MRPS6: variants seen among roughly 807,000 people sequenced by gnomAD.
The protein encoded by MRPS6 is mitochondrial ribosomal protein S6.
A neutral mutation model predicts 13.1 loss-of-function variants in MRPS6; 6 were observed. The ratio of observed to expected loss-of-function variants is 0.46; its 90% CI spans 0.25 to 0.91. MRPS6 has a LOEUF of 0.91. Ranked by LOEUF, MRPS6 falls within the 40% of genes least tolerant of loss-of-function variation. MRPS6 has a pLI of 0.18. For synonymous variants in MRPS6, 61 were observed against 56.5 expected, an observed-to-expected ratio of 1.08 and a Z score of -0.36; for missense variants, 164 against 155.6, an observed-to-expected ratio of 1.05 and a Z score of -0.29.
chr21:34,128,167 T>C (rs1980375305), intron 2 of MRPS6, among the ~76,000 whole-genome samples: 1 of 152,194 alleles, frequency 6.6e-6, no homozygotes, highest in African/African-American at 2.4e-5. Context: ...TGGTTCCTGG[T>C]CTCAAGGAGT....
At chr21:34,106,470 CAT>C (rs1485232239) in intron 1 of MRPS6, among the ~76,000 whole-genome samples, 1 of 152,136 alleles carries the variant, frequency 6.6e-6, no homozygotes, top group African/African-American at 2.4e-5. Context: ...ATGTGTAAAA[CAT>C]AGAGTAAATT....
chr21:34,073,772 C>G lies in MRPS6; in HGVS notation c.45+27C>G, dbSNP rs201282811. 6.5e-4 allele frequency: 951 copies of G among 1,472,184 alleles called. 1 individual carries two copies. Among genetic ancestry groups the G allele is most frequent in the Middle Eastern group, 3.1e-3 (14 of 4,500 alleles). 91.2% of individuals were successfully genotyped at this position (1,472,184 alleles called of 1,614,324 possible). On this transcript the variant is annotated intron_variant, in intron 1 of 2. Transcript: ENST00000399312. ...TAAGTGACCTTCCCTCAGAGCCGGTCTTCCCGCGCGGGCGCCCCCGCTGCC... is the reference window on the plus strand; with the variant it reads ...TAAGTGACCTTCCCTCAGAGCCGGTGTTCCCGCGCGGGCGCCCCCGCTGCC...
At chr21:34,129,720 C>T (rs555133048) in intron 2 of MRPS6, among the ~76,000 whole-genome samples, 1 of 152,120 alleles carries the variant, frequency 6.6e-6, no homozygotes, top group Non-Finnish European at 1.5e-5. Context: ...GTAGTTTTCC[C>T]GTTAGCTAAC....
chr21:34,118,203 A>G (rs1262263639), intron 1 of MRPS6, among the ~76,000 whole-genome samples: 1 of 152,116 alleles, frequency 6.6e-6, no homozygotes, highest in East Asian at 1.9e-4. Context: ...GCATAATTGA[A>G]AATCTGTGTG....
At chr21:34,081,606 G>A (rs1569412788) in intron 1 of MRPS6, among the ~76,000 whole-genome samples, 2 of 152,144 alleles carry the variant, frequency 1.3e-5, no homozygotes, top group Admixed American at 6.5e-5. Flanking sequence ...GTTTTGGATT[G>A]TAGCACCTAC....
intron 1 of MRPS6, among the ~76,000 whole-genome samples, chr21:34,080,547 T>G (rs932763907): frequency 6.6e-6 from 1 of 152,348 alleles, no homozygotes; most frequent in African/African-American, 2.4e-5. Flanking sequence ...AAGTTCATCT[T>G]AACTCATTTG....
intron 2 of MRPS6, chr21:34,135,344 C>T (rs576919395): frequency 2.1e-4 from 54 of 251,566 alleles, no homozygotes; most frequent in African/African-American, 1.1e-3. Context: ...ATATGAGAGC[C>T]GGTTTTTTTT....
chr21:34,104,007 T>C (rs1327717847), intron 1 of MRPS6: 2 of 1,000,012 alleles, frequency 2.0e-6, no homozygotes, highest in African/African-American at 1.7e-5. Flanking sequence ...TTTTAGGAAA[T>C]ATTACCTCTT....
At chr21:34,084,373 T>G (rs1282515406) in intron 1 of MRPS6, among the ~76,000 whole-genome samples, 1 of 151,960 alleles carries the variant, frequency 6.6e-6, no homozygotes, top group African/African-American at 2.4e-5. Flanking sequence ...AACATAAAAT[T>G]GGAACCAAGT....
intron 1 of MRPS6, among the ~76,000 whole-genome samples, chr21:34,116,241 T>A (rs1210033228): frequency 6.6e-6 from 1 of 150,462 alleles, no homozygotes; most frequent in Non-Finnish European, 1.5e-5. Flanking sequence ...AGAGATGGGA[T>A]TTAACCATGT....
chr21:34,075,544 CAAA>C (rs753570977), intron 1 of MRPS6, among the ~76,000 whole-genome samples: 3 of 148,434 alleles, frequency 2.0e-5, no homozygotes, highest in Non-Finnish European at 4.5e-5. Context: ...GGAAGGGGGG[CAAA>C]AAAAAGAAAA....
At chr21:34,089,315 G>A (rs1323245058) in intron 1 of MRPS6, among the ~76,000 whole-genome samples, 1 of 152,080 alleles carries the variant, frequency 6.6e-6, no homozygotes, top group East Asian at 1.9e-4. Context: ...ACCACGCCCA[G>A]CCTGTTATTT....
rs994783984 is a variant in MRPS6 at position 34,074,555 on chromosome 21, C to T, written c.45+810C>T. 4.6e-5 allele frequency among the ~76,000 whole-genome samples: 7 copies of T among 152,338 alleles called. No individual in the cohort carries two copies. The East Asian group carries it at 1.3e-3, about 29-fold the overall frequency. On this transcript the variant is annotated intron_variant, in intron 1 of 2. Transcript: ENST00000399312. The stretch of plus-strand genomic sequence containing the variant: ...GTGACGGCGTGGCCAAGGACAGGGG[C>T]CCGCGGCCCGGAGGCAGCTCACTTC...
In MRPS6 at chr21:34,093,691, TG is replaced by T. The variant is rs1978825065; in HGVS notation, c.45+19947del. 2.0e-5 allele frequency among the ~76,000 whole-genome samples: 3 copies of T among 152,358 alleles called. No individual in the cohort carries two copies. The South Asian group carries it at 6.2e-4, about 32-fold the overall frequency. ...AAGGCATTAGGTTGAATAAAATTGTTGTTCGTATTGATCTGTCAGCTGCAAT... is the reference window on the plus strand; with the variant it reads ...AAGGCATTAGGTTGAATAAAATTGTTTTCGTATTGATCTGTCAGCTGCAAT... On this transcript the variant is annotated intron_variant, in intron 1 of 2. Coordinates refer to ENST00000399312, the MANE Select transcript of MRPS6 (RefSeq NM_032476.4).
At chr21:34,086,517 T>G (rs201436454) in intron 1 of MRPS6, among the ~76,000 whole-genome samples, 8 of 148,272 alleles carry the variant, frequency 5.4e-5, no homozygotes, top group African/African-American at 1.7e-4. Context: ...TAGTTTGTGT[T>G]TGTGTGTGTG....
At chr21:34,099,749 G>A in intron 1 of MRPS6, 1 of 980,244 alleles carries the variant, frequency 1.0e-6, no homozygotes, top group Non-Finnish European at 1.2e-6. Context: ...GTCAAGTTTA[G>A]AGTACTAAAG....
intron 1 of MRPS6, 32 bp downstream of exon 1, chr21:34,073,777 C>T (rs200947048): frequency 6.9e-6 from 10 of 1,450,480 alleles, no homozygotes; most frequent in Middle Eastern, 2.3e-4. Context: ...CCGGTCTTCC[C>T]GCGCGGGCGC....
intron 1 of MRPS6, among the ~76,000 whole-genome samples, chr21:34,116,863 C>A (rs1334921970): frequency 6.6e-6 from 1 of 152,074 alleles, no homozygotes; most frequent in Admixed American, 6.6e-5. Context: ...GTAAACAAGC[C>A]TCTTTAAGAT....
chr21:34,124,817 A>G (rs1395022049), intron 1 of MRPS6: 2 of 153,180 alleles, frequency 1.3e-5, no homozygotes, highest in Non-Finnish European at 1.5e-5. Context: ...TGTAAGCTCC[A>G]TGAGGGCAGA....
Sources: gnomAD v4.1 joint callset for allele counts (sites outside exome capture counted in the v4.1 genomes callset) on GRCh38, gnomAD v4.1.1 for gene constraint, MANE v1.5 for transcripts, NCBI Gene and HGNC (gene_info 2026-07-23, HGNC 2026-07-21) for gene names.